The following RNF220 variants were observed in gnomAD, a reference collection of about 807,000 sequenced individuals.
The protein encoded by RNF220 is E3 ubiquitin-protein ligase RNF220.
A neutral mutation model predicts 67.1 loss-of-function variants in RNF220; 7 were observed. The observed-to-expected ratio is 0.10, with a 90% CI of 0.06 to 0.20. RNF220 has a LOEUF of 0.20. Among genes scored for constraint, RNF220 ranks in the 10% least tolerant of loss-of-function variants. RNF220 has a pLI of 1.00. For synonymous variants in RNF220, 270 were observed against 283.2 expected, an observed-to-expected ratio of 0.95 and a Z score of 0.47; for missense variants, 565 against 740.3, an observed-to-expected ratio of 0.76 and a Z score of 2.75.
intron 2 of RNF220, among the ~76,000 whole-genome samples, chr1:44,435,350 T>G (rs954343036): frequency 1.3e-5 from 2 of 152,212 alleles, no homozygotes; most frequent in African/African-American, 4.8e-5. Context: ...ATAAGATGAC[T>G]CACTGTTTTG....
intron 5 of RNF220, 134 bp from the exon 6 acceptor site, chr1:44,632,209 G>A: frequency 1.2e-6 from 2 of 1,607,942 alleles, no homozygotes; most frequent in Non-Finnish European, 1.7e-6. Flanking sequence ...GAGGGAGGAA[G>A]TAGGTTTGTT....
intron 2 of RNF220, among the ~76,000 whole-genome samples, chr1:44,442,237 G>A (rs1651630399): frequency 6.6e-6 from 1 of 151,886 alleles, no homozygotes; most frequent in Admixed American, 6.6e-5. Context: ...AAACTCCCTA[G>A]GCTTAGGTGA....
At chr1:44,449,124 G>A (rs1044150285) in intron 2 of RNF220, among the ~76,000 whole-genome samples, 12 of 152,194 alleles carry the variant, frequency 7.9e-5, no homozygotes, top group Admixed American at 3.9e-4. Flanking sequence ...TAGGAGCATG[G>A]AGTCTCGGAT....
At chr1:44,508,221 G>A (rs1038112901) in intron 2 of RNF220, among the ~76,000 whole-genome samples, 4 of 151,976 alleles carry the variant, frequency 2.6e-5, no homozygotes, top group Non-Finnish European at 5.9e-5. Context: ...CTCGGGCCAG[G>A]CGGGGGACCC....
intron 2 of RNF220, among the ~76,000 whole-genome samples, chr1:44,426,381 C>T (rs908788760): frequency 2.0e-5 from 3 of 152,154 alleles, no homozygotes; most frequent in Non-Finnish European, 4.4e-5. Flanking sequence ...TAGGCAAGAT[C>T]TTTAGAAGTT....
At chr1:44,484,584 G>A (rs777801401) in intron 2 of RNF220, among the ~76,000 whole-genome samples, 22 of 152,106 alleles carry the variant, frequency 1.4e-4, no homozygotes, top group Non-Finnish European at 2.5e-4. Flanking sequence ...CTCCATGAAC[G>A]AAAGGAGGCT....
intron 2 of RNF220, among the ~76,000 whole-genome samples, chr1:44,435,516 A>G (rs1650873620): frequency 6.6e-6 from 1 of 152,206 alleles, no homozygotes; most frequent in African/African-American, 2.4e-5. Flanking sequence ...AGCCATGGGG[A>G]ACAAGGCACC....
intron 2 of RNF220, among the ~76,000 whole-genome samples, chr1:44,532,772 T>C (rs953108740): frequency 2.0e-4 from 30 of 152,206 alleles, no homozygotes; most frequent in Non-Finnish European, 3.1e-4. Context: ...AGCAATCTTA[T>C]GAAAAACACC....
At chr1:44,435,561 C>G (rs1373376905) in intron 2 of RNF220, among the ~76,000 whole-genome samples, 1 of 152,140 alleles carries the variant, frequency 6.6e-6, no homozygotes. Flanking sequence ...CACTTGGGAC[C>G]TTTTCACAGT....
chr1:44,425,751 T>G (rs1431476002), intron 2 of RNF220, among the ~76,000 whole-genome samples: 1 of 152,198 alleles, frequency 6.6e-6, no homozygotes, highest in African/African-American at 2.4e-5. Flanking sequence ...CAGATGTGTT[T>G]TGTAATCTAA....
intron 2 of RNF220, among the ~76,000 whole-genome samples, chr1:44,548,780 C>T (rs1444205079): frequency 1.3e-5 from 2 of 152,240 alleles, no homozygotes; most frequent in African/African-American, 4.8e-5. Context: ...GCGTGAGCCA[C>T]TGCGCCCAGC....
intron 2 of RNF220, among the ~76,000 whole-genome samples, chr1:44,493,396 C>G (rs1657032235): frequency 6.6e-6 from 1 of 152,086 alleles, no homozygotes; most frequent in Non-Finnish European, 1.5e-5. Context: ...TGCCTGTAAT[C>G]CCAGCTACTC....
At chr1:44,552,180 C>A (rs1200803471) in intron 2 of RNF220, among the ~76,000 whole-genome samples, 1 of 152,176 alleles carries the variant, frequency 6.6e-6, no homozygotes, top group Non-Finnish European at 1.5e-5. Flanking sequence ...CAGATCCTCA[C>A]AATGGCCTCC....
intron 3 of RNF220, among the ~76,000 whole-genome samples, chr1:44,618,068 C>T (rs554654922): frequency 6.6e-6 from 1 of 152,290 alleles, no homozygotes; most frequent in East Asian, 1.9e-4. Flanking sequence ...CTGGACACGT[C>T]CCCCCTCCAC....
chr1:44,411,978 C>A lies in RNF220; in HGVS notation c.-117-3C>A. The A allele has an allele frequency of 1.8e-6, 2 of 1,124,940 alleles. No homozygotes were observed. The highest frequency in any genetic ancestry group is 2.5e-6 in the Non-Finnish European group (2 of 801,664). The allele number at this position is 1,124,940 out of a possible 1,614,324, so 69.7% of individuals were successfully genotyped here. The stretch of plus-strand genomic sequence containing the variant: ...TCTTTTTTTCTCTTTGCTGTTTCTA[C>A]AGGTCTTAGGAGGGAATGATTCCCC... On this transcript the variant is annotated splice_polypyrimidine_tract_variant and splice_region_variant and intron_variant, in intron 1 of 14. Coordinates refer to ENST00000361799, the MANE Select transcript of RNF220 (RefSeq NM_018150.4).
intron 8 of RNF220, among the ~76,000 whole-genome samples, chr1:44,639,599 G>T (rs1372234834): frequency 6.6e-6 from 1 of 152,198 alleles, no homozygotes; most frequent in Non-Finnish European, 1.5e-5. Flanking sequence ...GGGAAAAGAA[G>T]GGTGTTAAGA....
intron 2 of RNF220, among the ~76,000 whole-genome samples, chr1:44,484,037 CTGG>C (rs915236591): frequency 1.1e-4 from 16 of 152,284 alleles, no homozygotes; most frequent in African/African-American, 3.6e-4. Flanking sequence ...CAGCCTTGGG[CTGG>C]TTCTCCTTCC....
At chr1:44,546,212 G>T (rs142305636) in intron 2 of RNF220, among the ~76,000 whole-genome samples, 1 of 152,124 alleles carries the variant, frequency 6.6e-6, no homozygotes, top group Admixed American at 6.5e-5. Context: ...CTCGGTCCTG[G>T]TTCTTCCGGC....
At chr1:44,420,688 G>A (rs566533674) in intron 2 of RNF220, among the ~76,000 whole-genome samples, 11 of 152,298 alleles carry the variant, frequency 7.2e-5, no homozygotes, top group South Asian at 4.1e-4. Flanking sequence ...AAGTCCTGAC[G>A]TGTTAGCTTA....
Sources: allele counts gnomAD v4.1 joint callset (sites outside exome capture counted in the v4.1 genomes callset), GRCh38; gene constraint gnomAD v4.1.1; transcripts MANE v1.5; gene names NCBI Gene and HGNC (gene_info 2026-07-23, HGNC 2026-07-21).